NR2C1: variants seen among roughly 807,000 people sequenced by gnomAD.
The protein encoded by NR2C1 is TR2 nuclear hormone receptor.
NR2C1 carries 33 observed loss-of-function variants against 74.8 expected under a neutral mutation model. The ratio of observed to expected loss-of-function variants is 0.44; its 90% CI spans 0.33 to 0.59. The LOEUF (loss-of-function observed/expected upper bound fraction) is 0.59. NR2C1 is among the 20% of genes least tolerant of loss of function. The pLI is 0.02. For synonymous variants in NR2C1, 225 were observed against 240.6 expected, an observed-to-expected ratio of 0.94 and a Z score of 0.60; for missense variants, 568 against 715.6, an observed-to-expected ratio of 0.79 and a Z score of 2.35.
intron 12 of NR2C1, chr12:95,028,069 ATG>A (rs1299525035): frequency 5.4e-6 from 1 of 186,842 alleles, no homozygotes; most frequent in Admixed American, 5.7e-5. Flanking sequence ...ATTCCATCAT[ATG>A]TATATATTAA....
intron 7 of NR2C1, among the ~76,000 whole-genome samples, chr12:95,052,185 C>G (rs1157243146): frequency 6.7e-6 from 1 of 148,556 alleles, no homozygotes; most frequent in Non-Finnish European, 1.5e-5. Flanking sequence ...GAGATGGAGT[C>G]TCACTCTGTC....
chr12:95,029,559 C>CTTTT (rs34742046), intron 11 of NR2C1, among the ~76,000 whole-genome samples: 1 of 130,108 alleles, frequency 7.7e-6, no homozygotes, highest in East Asian at 2.2e-4. Flanking sequence ...GTAATGGTTC[C>CTTTT]TTTTTTTTTT....
At chr12:95,051,725 T>G (rs768900247) in intron 8 of NR2C1, 37 bp downstream of exon 8, 33 of 1,538,828 alleles carry the variant, frequency 2.1e-5, no homozygotes, top group Admixed American at 1.6e-4. Flanking sequence ...GAAAGACATG[T>G]AAACAAAAGG....
intron 10 of NR2C1, among the ~76,000 whole-genome samples, chr12:95,037,124 G>A (rs1870945743): frequency 6.6e-6 from 1 of 152,188 alleles, no homozygotes; most frequent in Admixed American, 6.5e-5. Context: ...GTAAACGGTG[G>A]TGGCTTGGAG....
chr12:95,029,532 A>G, intron 11 of NR2C1, among the ~76,000 whole-genome samples: 1 of 151,706 alleles, frequency 6.6e-6, no homozygotes, highest in East Asian at 1.9e-4. Flanking sequence ...AACAAACAAA[A>G]AAAGAAAACT....
chr12:95,058,976 C>T (rs919036660), intron 4 of NR2C1, among the ~76,000 whole-genome samples: 12 of 152,112 alleles, frequency 7.9e-5, no homozygotes, highest in African/African-American at 2.7e-4. Flanking sequence ...TTAAATGATT[C>T]CTTTGCCAAA....
chr12:95,055,610 T>C, intron 7 of NR2C1, among the ~76,000 whole-genome samples: 1 of 152,154 alleles, frequency 6.6e-6, no homozygotes, highest in Non-Finnish European at 1.5e-5. Context: ...AAGTGACAAA[T>C]ATATAACAAA....
intron 1 of NR2C1, among the ~76,000 whole-genome samples, chr12:95,069,585 T>C (rs1592803188): frequency 6.6e-6 from 1 of 152,244 alleles, no homozygotes; most frequent in African/African-American, 2.4e-5. Flanking sequence ...TGCTCTATGA[T>C]GTTCATCTGT....
intron 12 of NR2C1, among the ~76,000 whole-genome samples, chr12:95,025,784 GCTAACAA>G (rs1378195446): frequency 6.7e-6 from 1 of 149,152 alleles, no homozygotes; most frequent in Non-Finnish European, 1.5e-5. Context: ...GTATACATAT[GCTAACAA>G]CTAATAAAAA....
intron 12 of NR2C1, among the ~76,000 whole-genome samples, chr12:95,025,986 T>A (rs1869312437): frequency 6.6e-6 from 1 of 151,288 alleles, no homozygotes; most frequent in African/African-American, 2.4e-5. Flanking sequence ...GTGGGGGGGA[T>A]CACAAGGTCA....
At position 95,073,595 on chromosome 12, in the gene NR2C1, C is replaced by T. The variant is rs1330437067; in HGVS notation, c.-223G>A. 6.6e-6 allele frequency: 1 copy of T among 152,290 alleles called. No individual in the cohort carries two copies. The highest frequency in any genetic ancestry group is 2.4e-5 in the African/African-American group (1 of 41,474). 9.4% of individuals were successfully genotyped at this position (152,290 alleles called of 1,614,324 possible). ...TTCTCGGCTCGGCGGCGCGCTATCCCGCCAGCGCCTGCGCATTAGCAACGG... is the reference window on the plus strand; with the variant it reads ...TTCTCGGCTCGGCGGCGCGCTATCCTGCCAGCGCCTGCGCATTAGCAACGG... On this transcript the variant is annotated 5_prime_UTR_variant, in exon 1 of 14. Coordinates refer to ENST00000333003, the MANE Select transcript of NR2C1 (RefSeq NM_003297.4).
chr12:95,056,231 C>T (rs1873840880), intron 7 of NR2C1, among the ~76,000 whole-genome samples: 1 of 152,048 alleles, frequency 6.6e-6, no homozygotes, highest in South Asian at 2.1e-4. Flanking sequence ...GTGCCACCAC[C>T]GTACCCCCAG....
In NR2C1 at chr12:95,026,427, A is replaced by C. The variant is rs1013694013; in HGVS notation, c.1532-1172T>G. ...CATTACACAAAAACAGAAATATTAA[A>C]AGAACTTCATAAAAATTATGCATAG... On this transcript the variant is annotated intron_variant, in intron 12 of 13. Coordinates refer to ENST00000333003, the MANE Select transcript of NR2C1 (RefSeq NM_003297.4). 7.9e-5 allele frequency among the ~76,000 whole-genome samples: 12 copies of C among 152,286 alleles called. No homozygotes were observed. The East Asian group carries it at 2.3e-3, about 29-fold the overall frequency.
At chr12:95,040,920 TA>T (rs1871445296) in intron 9 of NR2C1, among the ~76,000 whole-genome samples, 1 of 152,222 alleles carries the variant, frequency 6.6e-6, no homozygotes, top group African/African-American at 2.4e-5. Flanking sequence ...AATGATAGCA[TA>T]CAACAAATTC....
chr12:95,065,385 TGTGA>T (rs1321279797), intron 2 of NR2C1, among the ~76,000 whole-genome samples: 2 of 152,106 alleles, frequency 1.3e-5, no homozygotes, highest in East Asian at 1.9e-4. Context: ...GTTTTCTGCA[TGTGA>T]GTTAGAAATT....
At position 95,021,593 on chromosome 12, in the gene NR2C1, T is replaced by C. The variant is rs76129695; in HGVS notation, c.*636A>G. ...TATAAAGTGCTTGTAACTAATAATA[T>C]ACATTAAAAATGGCAACTCTTAAGA... On this transcript the variant is annotated 3_prime_UTR_variant, in exon 14 of 14. Transcript: ENST00000333003. 1.3e-3 allele frequency: 202 copies of C among 152,248 alleles called. No individual in the cohort carries two copies. Among genetic ancestry groups the C allele is most frequent in the Middle Eastern group, 6.8e-3 (2 of 294 alleles). The allele number at this position is 152,248 out of a possible 1,614,324, so 9.4% of individuals were successfully genotyped here.
intron 13 of NR2C1, among the ~76,000 whole-genome samples, chr12:95,023,599 T>C (rs1869011569): frequency 6.6e-6 from 1 of 152,206 alleles, no homozygotes; most frequent in Admixed American, 6.5e-5. Flanking sequence ...TATAAATGTG[T>C]GCTTGCCACT....
intron 10 of NR2C1, among the ~76,000 whole-genome samples, chr12:95,032,457 C>CAAAAAAAAA (rs905079010): frequency 4.4e-5 from 4 of 90,718 alleles, no homozygotes; most frequent in African/African-American, 1.6e-4. Context: ...GACTCCGTCT[C>CAAAAAAAAA]AAAAAAAAAA....
Position 95,058,317 on chromosome 12 carries a change from C to T in NR2C1, c.537G>A (p.Lys179=). ...RLQRCIAFGM[K]QDSVQCERKP... ...TTAAAAGCTAATACATACAGTCTTG[C>T]TTCATTCCAAACGCAATACATCTCT... Residue 179 remains lysine (K), a synonymous_variant, in exon 5 of 14, where the codon AAG becomes AAA. Transcript: ENST00000333003. 6.2e-7 allele frequency: 1 copy of T among 1,610,356 alleles called. No homozygotes were observed. The highest frequency in any genetic ancestry group is 8.5e-7 in the Non-Finnish European group (1 of 1,179,310).
Sources: gnomAD v4.1 joint callset for allele counts (sites outside exome capture counted in the v4.1 genomes callset) on GRCh38, gnomAD v4.1.1 for gene constraint, MANE v1.5 for transcripts, NCBI Gene and HGNC (gene_info 2026-07-23, HGNC 2026-07-21) for gene names.